The following SPECC1L variants were observed in gnomAD, a reference collection of about 807,000 sequenced individuals.
SPECC1L encodes cytospin-A.
Under a neutral mutation model 116.8 loss-of-function variants are expected in SPECC1L, and 40 were observed. That is an observed-to-expected ratio of 0.34 (90% CI 0.27 to 0.45). The LOEUF (loss-of-function observed/expected upper bound fraction) is 0.45, where lower values mean the gene tolerates loss of function less well. Ranked by LOEUF, SPECC1L falls within the 20% of genes least tolerant of loss-of-function variation. SPECC1L has a pLI of 1.00. For synonymous variants in SPECC1L, 504 were observed against 500.6 expected (o/e 1.01, Z -0.09); for missense variants, 1,110 against 1,373.6 (o/e 0.81, Z 3.03).
At chr22:24,366,697 C>G (rs1397440454) in intron 13 of SPECC1L, among the ~76,000 whole-genome samples, 1 of 152,072 alleles carries the variant, frequency 6.6e-6, no homozygotes, top group Non-Finnish European at 1.5e-5. Flanking sequence ...TCAAAGATGG[C>G]TGTGTTTGTT....
At chr22:24,301,405 C>T (rs908901935) in intron 2 of SPECC1L, among the ~76,000 whole-genome samples, 1 of 152,154 alleles carries the variant, frequency 6.6e-6, no homozygotes, top group African/African-American at 2.4e-5. Flanking sequence ...ATAAACCCCT[C>T]GTAAGTTGAC....
chr22:24,322,228 A>C lies in SPECC1L; in HGVS notation c.1248A>C (p.Ala416=), dbSNP rs201026999. Residue 416 remains alanine, a synonymous_variant, in exon 5 of 17, where the codon GCA becomes GCC. Transcript: ENST00000314328. ...ACAGTACAAGTGAGGAACTCCAGGC[A>C]ACCCTGCAAGAGCTAGCTGATTTAC... ...NQHSTSEELQ[A]TLQELADLQQ... The C allele has an allele frequency of 1.7e-5, 28 of 1,614,228 alleles. No homozygotes were observed. The highest frequency in any genetic ancestry group is 2.4e-5 in the Non-Finnish European group (28 of 1,180,048).
At position 24,309,158 on chromosome 22, in the gene SPECC1L, T is replaced by C. The variant is rs956771604; in HGVS notation, c.154-4155T>C. On this transcript the variant is annotated intron_variant, in intron 3 of 16. Coordinates refer to ENST00000314328, the MANE Select transcript of SPECC1L (RefSeq NM_015330.6). The stretch of plus-strand genomic sequence containing the variant: ...TGGGACACACACACACACACGCACA[T>C]ATCTATGTCAATTTCTGTATCTGTA... 4.0e-5 allele frequency among the ~76,000 whole-genome samples: 6 copies of C among 150,600 alleles called. No individual in the cohort carries two copies. In the South Asian group the frequency reaches 1.3e-3, roughly 32 times the overall value.
At chr22:24,363,742 CATAATT>C (rs1183900447) in intron 12 of SPECC1L, among the ~76,000 whole-genome samples, 1 of 152,022 alleles carries the variant, frequency 6.6e-6, no homozygotes, top group East Asian at 1.9e-4. Context: ...ACGAAAAAGA[CATAATT>C]ATAAAATTAT....
Position 24,322,087 on chromosome 22 carries a change from A to G in SPECC1L, c.1107A>G (p.Ser369=). The G allele has an allele frequency of 6.2e-7, 1 of 1,614,154 alleles. No homozygotes were observed. Among genetic ancestry groups the G allele is most frequent in the South Asian group, 1.1e-5 (1 of 91,084 alleles). The part of the protein sequence containing the change: ...SDDALDAPSS[S]ESEGIPSIER... ...ATGCGCTGGATGCACCATCCTCCTC[A>G]GAGTCGGAAGGCATCCCCAGCATAG... Residue 369 remains serine (S), a synonymous_variant, in exon 5 of 17, where the codon TCA becomes TCG. Transcript: ENST00000314328.
chr22:24,351,286 T>G (rs570929063), intron 11 of SPECC1L, among the ~76,000 whole-genome samples: 2 of 152,328 alleles, frequency 1.3e-5, no homozygotes, highest in South Asian at 4.1e-4. Flanking sequence ...CAAGTGACTC[T>G]TAGGAATAAG....
chr22:24,276,939 A>G (rs1365676569), intron 2 of SPECC1L, 136 bp downstream of exon 2: 8 of 189,234 alleles, frequency 4.2e-5, no homozygotes, highest in Admixed American at 1.2e-4. Context: ...GAGCAACTGA[A>G]TTTTCTTCTT....
chr22:24,390,882 T>TTC (rs1569445791), intron 14 of SPECC1L, among the ~76,000 whole-genome samples: 3 of 119,756 alleles, frequency 2.5e-5, no homozygotes, highest in East Asian at 2.3e-4. Flanking sequence ...CTTTTTTTTT[T>TTC]TTTTTTTTTT....
chr22:24,401,737 C>T (rs375845161), intron 14 of SPECC1L, among the ~76,000 whole-genome samples: 2 of 152,302 alleles, frequency 1.3e-5, no homozygotes, highest in African/African-American at 4.8e-5. Context: ...CACCTAACTT[C>T]AGTTTTTCAA....
At chr22:24,375,270 A>G (rs1375810555) in intron 14 of SPECC1L, among the ~76,000 whole-genome samples, 1 of 152,216 alleles carries the variant, frequency 6.6e-6, no homozygotes, top group East Asian at 1.9e-4. Context: ...TAATAGCAAT[A>G]CTTCTCAAAC....
chr22:24,301,405 C>A (rs908901935), intron 2 of SPECC1L, among the ~76,000 whole-genome samples: 3 of 152,154 alleles, frequency 2.0e-5, no homozygotes, highest in Non-Finnish European at 4.4e-5. Context: ...ATAAACCCCT[C>A]GTAAGTTGAC....
chr22:24,291,183 A>T (rs2146367047), intron 2 of SPECC1L, among the ~76,000 whole-genome samples: 1 of 152,334 alleles, frequency 6.6e-6, no homozygotes, highest in South Asian at 2.1e-4. Flanking sequence ...GTGGGTATTG[A>T]TAGGCATAAA....
At chr22:24,404,608 A>G (rs945144388) in intron 14 of SPECC1L, among the ~76,000 whole-genome samples, 1 of 150,402 alleles carries the variant, frequency 6.6e-6, no homozygotes, top group African/African-American at 2.5e-5. Flanking sequence ...CCCACCCACC[A>G]CTCCAGCCCA....
chr22:24,395,705 T>C (rs957120892), intron 14 of SPECC1L, among the ~76,000 whole-genome samples: 5 of 152,014 alleles, frequency 3.3e-5, no homozygotes, highest in South Asian at 2.1e-4. Context: ...TGGCGTGATA[T>C]CAGCTCACTG....
intron 1 of SPECC1L, among the ~76,000 whole-genome samples, chr22:24,273,391 A>G (rs529255366): frequency 2.0e-4 from 30 of 152,238 alleles, no homozygotes; most frequent in Non-Finnish European, 3.2e-4. Flanking sequence ...TTGAAGGACT[A>G]TCTTTTCTTT....
chr22:24,348,997 T>C (rs1259593178), intron 11 of SPECC1L, among the ~76,000 whole-genome samples: 1 of 152,056 alleles, frequency 6.6e-6, no homozygotes, highest in Non-Finnish European at 1.5e-5. Context: ...CTTCTCTCTG[T>C]CAGGCTGCTT....
At chr22:24,343,960 GT>G (rs2041235725) in intron 10 of SPECC1L, among the ~76,000 whole-genome samples, 1 of 152,094 alleles carries the variant, frequency 6.6e-6, no homozygotes, top group South Asian at 2.1e-4. Flanking sequence ...CAGAATAAAA[GT>G]TTAAAATAAA....
intron 14 of SPECC1L, among the ~76,000 whole-genome samples, chr22:24,405,896 CGAA>C: frequency 6.6e-6 from 1 of 151,566 alleles, no homozygotes; most frequent in South Asian, 2.1e-4. Flanking sequence ...CAGTAGGGGT[CGAA>C]GACTCGTCAT....
intron 10 of SPECC1L, among the ~76,000 whole-genome samples, chr22:24,339,123 A>T (rs77627770): frequency 0.034 from 5,142 of 152,188 alleles, 178 homozygotes; most frequent in African/African-American, 0.083. Context: ...AGAAGGTGGG[A>T]TGGGGCCTGG....
Sources: gnomAD v4.1 joint callset for allele counts (sites outside exome capture counted in the v4.1 genomes callset) on GRCh38, gnomAD v4.1.1 for gene constraint, MANE v1.5 for transcripts, NCBI Gene and HGNC (gene_info 2026-07-23, HGNC 2026-07-21) for gene names.